The following ZMAT4 variants were observed in gnomAD, a reference collection of about 807,000 sequenced individuals.
ZMAT4 encodes zinc finger matrin-type protein 4.
ZMAT4 carries 17 observed loss-of-function variants against 28.7 expected under a neutral mutation model. That is an observed-to-expected ratio of 0.59 (90% CI 0.41 to 0.89). ZMAT4 has a LOEUF of 0.89. Among genes scored for constraint, ZMAT4 ranks in the 40% least tolerant of loss-of-function variants. ZMAT4 has a pLI of 0.00. For missense variants in ZMAT4, 240 were observed against 283.8 expected (o/e 0.85, Z 1.11); for synonymous variants, 117 against 109.2 (o/e 1.07, Z -0.44).
chr8:40,889,283 G>A (rs769073455), intron 1 of ZMAT4, among the ~76,000 whole-genome samples: 6 of 152,240 alleles, frequency 3.9e-5, no homozygotes, highest in African/African-American at 9.6e-5. Flanking sequence ...TGACAAAGCA[G>A]GCGGCACTTG....
intron 1 of ZMAT4, among the ~76,000 whole-genome samples, chr8:40,881,438 AG>A (rs1818223953): frequency 2.0e-5 from 1 of 50,740 alleles, no homozygotes; most frequent in African/African-American, 7.7e-5. Context: ...AAAGAGAGAA[AG>A]AAAGAAAGAA....
intron 4 of ZMAT4, among the ~76,000 whole-genome samples, chr8:40,678,715 C>T (rs1454068101): frequency 6.6e-6 from 1 of 152,178 alleles, no homozygotes; most frequent in African/African-American, 2.4e-5. Context: ...GACACTTTTG[C>T]ATTGGCTCTC....
intron 2 of ZMAT4, among the ~76,000 whole-genome samples, chr8:40,792,461 T>C (rs1461185933): frequency 3.6e-5 from 3 of 82,574 alleles, no homozygotes; most frequent in Non-Finnish European, 6.7e-5. Context: ...ATCCATACAA[T>C]GGAATAGTAT....
At chr8:40,835,447 T>C (rs1047657839) in intron 1 of ZMAT4, among the ~76,000 whole-genome samples, 8 of 152,222 alleles carry the variant, frequency 5.3e-5, no homozygotes, top group African/African-American at 1.9e-4. Flanking sequence ...CACTTTGCTA[T>C]GTATTGGCTA....
chr8:40,745,355 A>G (rs1423541394), intron 3 of ZMAT4, among the ~76,000 whole-genome samples: 2 of 152,196 alleles, frequency 1.3e-5, no homozygotes, highest in Non-Finnish European at 2.9e-5. Flanking sequence ...TTCTATTTCG[A>G]AGGTATTTAA....
chr8:40,876,720 G>A (rs1818053927), intron 1 of ZMAT4, among the ~76,000 whole-genome samples: 2 of 152,182 alleles, frequency 1.3e-5, no homozygotes, highest in Admixed American at 6.5e-5. Flanking sequence ...TTTGACTGTT[G>A]ATGTTATTGG....
At chr8:40,793,567 G>A (rs570690701) in intron 2 of ZMAT4, among the ~76,000 whole-genome samples, 1 of 152,206 alleles carries the variant, frequency 6.6e-6, no homozygotes. Flanking sequence ...CCATTTGGGG[G>A]TGTTTCTAAA....
At chr8:40,712,808 G>A (rs1810683414) in intron 3 of ZMAT4, among the ~76,000 whole-genome samples, 1 of 152,156 alleles carries the variant, frequency 6.6e-6, no homozygotes, top group Non-Finnish European at 1.5e-5. Context: ...ATTGGGCATT[G>A]CCCCAGAAGC....
chr8:40,723,410 G>A (rs958368812), intron 3 of ZMAT4, among the ~76,000 whole-genome samples: 1 of 151,952 alleles, frequency 6.6e-6, no homozygotes, highest in African/African-American at 2.4e-5. Flanking sequence ...CGGCATGGTG[G>A]CAGGCACCTG....
intron 5 of ZMAT4, among the ~76,000 whole-genome samples, chr8:40,634,480 C>T (rs1020661908): frequency 2.0e-5 from 3 of 152,186 alleles, no homozygotes; most frequent in Admixed American, 6.5e-5. Context: ...ACACAGAACA[C>T]TCCTATAACA....
chr8:40,670,899 T>C lies in ZMAT4; in HGVS notation c.577+3805A>G, dbSNP rs150031721. Among the ~76,000 whole-genome samples, 46 of 152,106 alleles carry C rather than the reference T, an allele frequency of 3.0e-4. No homozygotes were observed. In the East Asian group the frequency reaches 7.6e-3, roughly 25 times the overall value. Reference sequence around the variant, plus strand: ...CTGACCAACATGGTGAAACCCCGTCTCTACTAAAAATACGAAAATTAGCTG... The same window carrying C: ...CTGACCAACATGGTGAAACCCCGTCCCTACTAAAAATACGAAAATTAGCTG... On this transcript the variant is annotated intron_variant, in intron 5 of 6. Coordinates refer to ENST00000297737, the MANE Select transcript of ZMAT4 (RefSeq NM_024645.3).
In ZMAT4 at chr8:40,888,777, C is replaced by CG. The variant is rs1818561978; in HGVS notation, c.-5+8905dup. ...CAGGAGGAGACCCAGAGGGCCACCT[C>CG]GGGGGGGCCCGCAGTACCCAAAGTC... On this transcript the variant is annotated intron_variant, in intron 1 of 6. Coordinates refer to ENST00000297737, the MANE Select transcript of ZMAT4 (RefSeq NM_024645.3). Among the ~76,000 whole-genome samples the CG allele has an allele frequency of 4.6e-5, 7 of 152,230 alleles. No homozygotes were observed. In the South Asian group the frequency reaches 1.4e-3, roughly 32 times the overall value.
chr8:40,634,252 A>G (rs1379187753), intron 5 of ZMAT4, among the ~76,000 whole-genome samples: 1 of 152,262 alleles, frequency 6.6e-6, no homozygotes, highest in Admixed American at 6.5e-5. Flanking sequence ...AGCTTTAAAC[A>G]GCACTGGACT....
chr8:40,721,118 TCCCTCCC>T (rs1290919817), intron 3 of ZMAT4, among the ~76,000 whole-genome samples: 1 of 117,668 alleles, frequency 8.5e-6, no homozygotes, highest in African/African-American at 3.3e-5. Flanking sequence ...CCCAATGCTA[TCCCTCCC>T]CCCTCCCCCC....
At chr8:40,725,175 T>A (rs1268508958) in intron 3 of ZMAT4, among the ~76,000 whole-genome samples, 1 of 151,518 alleles carries the variant, frequency 6.6e-6, no homozygotes, top group Non-Finnish European at 1.5e-5. Context: ...TGTAAGTGTG[T>A]TTATTCCTGC....
At chr8:40,771,184 A>G (rs1166735849) in intron 2 of ZMAT4, among the ~76,000 whole-genome samples, 1 of 151,490 alleles carries the variant, frequency 6.6e-6, no homozygotes, top group African/African-American at 2.4e-5. Flanking sequence ...TCACATATAT[A>G]TAAAGGTTTT....
At chr8:40,820,725 ATGTC>A (rs1398350609) in intron 2 of ZMAT4, among the ~76,000 whole-genome samples, 1 of 734 alleles carries the variant, frequency 1.4e-3, no homozygotes, top group Admixed American at 0.015. Flanking sequence ...GTACGTGTGT[ATGTC>A]TGTGTATGTT....
chr8:40,669,086 GA>G (rs1403626024), intron 5 of ZMAT4, among the ~76,000 whole-genome samples: 1 of 152,106 alleles, frequency 6.6e-6, no homozygotes, highest in African/African-American at 2.4e-5. Context: ...CTCTGATAGA[GA>G]AAACATTATG....
At chr8:40,867,604 A>G (rs1157234480) in intron 1 of ZMAT4, among the ~76,000 whole-genome samples, 1 of 152,012 alleles carries the variant, frequency 6.6e-6, no homozygotes, top group Non-Finnish European at 1.5e-5. Flanking sequence ...CCTCTCACAT[A>G]CAGCAGCACA....
Sources: allele counts gnomAD v4.1 joint callset (sites outside exome capture counted in the v4.1 genomes callset), GRCh38; gene constraint gnomAD v4.1.1; transcripts MANE v1.5; gene names NCBI Gene and HGNC (gene_info 2026-07-23, HGNC 2026-07-21).